Variants in OXR1 observed in about 807,000 individuals in gnomAD.
The protein encoded by OXR1 is oxidation resistance 1, also known as oxidation resistance protein 1.
OXR1 carries 41 observed loss-of-function variants against 104.6 expected under a neutral mutation model. The ratio of observed to expected loss-of-function variants is 0.39; its 90% CI spans 0.31 to 0.51. OXR1 has a LOEUF of 0.51. OXR1 is among the 20% of genes least tolerant of loss of function. OXR1 has a pLI of 0.77. For synonymous variants in OXR1, 348 were observed against 348.4 expected, an observed-to-expected ratio of 1.00 and a Z score of 0.01; for missense variants, 955 against 1,031.9, an observed-to-expected ratio of 0.93 and a Z score of 1.02.
intron 2 of OXR1, among the ~76,000 whole-genome samples, chr8:106,505,784 G>T (rs950175947): frequency 1.3e-5 from 2 of 152,184 alleles, no homozygotes; most frequent in Non-Finnish European, 1.5e-5. Context: ...AAGAAAAGTG[G>T]CCCAAGACTA....
At chr8:106,501,842 G>C (rs1811830895) in intron 2 of OXR1, among the ~76,000 whole-genome samples, 14 of 152,080 alleles carry the variant, frequency 9.2e-5, no homozygotes, top group Admixed American at 9.2e-4. Context: ...TGTATTCTTA[G>C]AATATTATTC....
chr8:106,410,726 G>A (rs1818425311), intron 2 of OXR1, among the ~76,000 whole-genome samples: 1 of 150,904 alleles, frequency 6.6e-6, no homozygotes, highest in South Asian at 2.2e-4. Context: ...TGACTTACTG[G>A]TATAAGAAAA....
chr8:106,459,987 T>G (rs1335078561), intron 2 of OXR1, among the ~76,000 whole-genome samples: 1 of 152,218 alleles, frequency 6.6e-6, no homozygotes, highest in Non-Finnish European at 1.5e-5. Context: ...TGTCAACTCC[T>G]CACAGTCACT....
intron 3 of OXR1, among the ~76,000 whole-genome samples, chr8:106,579,000 T>TTTTTTTTC (rs1443995784): frequency 6.6e-6 from 1 of 151,114 alleles, no homozygotes; most frequent in Non-Finnish European, 1.5e-5. Context: ...TTTTTTTTTT[T>TTTTTTTTC]TTGCCTAGTA....
At chr8:106,647,525 G>C (rs1199147404) in intron 3 of OXR1, among the ~76,000 whole-genome samples, 1 of 152,176 alleles carries the variant, frequency 6.6e-6, no homozygotes, top group Non-Finnish European at 1.5e-5. Flanking sequence ...TCAATTTTAA[G>C]GGTATCAAAT....
chr8:106,487,470 T>C lies in OXR1; in HGVS notation c.24-31473T>C, dbSNP rs1159762332. On this transcript the variant is annotated intron_variant, in intron 2 of 16. Transcript: ENST00000517566. ...TAAATTTTAGGGTACATGTGCACATTGTGCAGGTTAGTTACATATGTATAC... is the reference window on the plus strand; with the variant it reads ...TAAATTTTAGGGTACATGTGCACATCGTGCAGGTTAGTTACATATGTATAC... Among the ~76,000 whole-genome samples the C allele has an allele frequency of 2.0e-5, 3 of 151,944 alleles. No homozygotes were observed. The South Asian group carries it at 6.3e-4, about 32-fold the overall frequency.
chr8:106,276,803 T>G (rs1036060050), intron 1 of OXR1, among the ~76,000 whole-genome samples: 15 of 149,844 alleles, frequency 1.0e-4, no homozygotes, highest in African/African-American at 3.4e-4. Flanking sequence ...TTATGTTCAA[T>G]TCAGGTATTC....
chr8:106,399,217 T>C (rs1817906243), intron 2 of OXR1, among the ~76,000 whole-genome samples: 1 of 152,152 alleles, frequency 6.6e-6, no homozygotes. Flanking sequence ...CCCAGTGCAC[T>C]TCATTGTGTT....
chr8:106,662,260 AAT>A (rs1825838397), intron 3 of OXR1, among the ~76,000 whole-genome samples: 1 of 152,224 alleles, frequency 6.6e-6, no homozygotes, highest in African/African-American at 2.4e-5. Flanking sequence ...TGTGTATATC[AAT>A]AGAGTTGATG....
At chr8:106,520,933 T>C (rs1377422198) in intron 3 of OXR1, among the ~76,000 whole-genome samples, 1 of 152,144 alleles carries the variant, frequency 6.6e-6, no homozygotes, top group African/African-American at 2.4e-5. Context: ...AAAATAGAAG[T>C]CTCAAAAGGG....
At chr8:106,279,416 TTA>T (rs965015659) in intron 1 of OXR1, among the ~76,000 whole-genome samples, 1 of 152,186 alleles carries the variant, frequency 6.6e-6, no homozygotes, top group African/African-American at 2.4e-5. Flanking sequence ...CATGCACACA[TTA>T]TGTTTGTTCC....
At chr8:106,473,817 G>A (rs2510817) in intron 2 of OXR1, among the ~76,000 whole-genome samples, 28,377 of 149,266 alleles carry the variant, frequency 0.19, 2,850 homozygotes, top group East Asian at 0.26. Context: ...AATCAGATAC[G>A]GAGCCTCATT....
chr8:106,722,058 T>G (rs1832868868), intron 11 of OXR1, among the ~76,000 whole-genome samples: 1 of 152,222 alleles, frequency 6.6e-6, no homozygotes, highest in Admixed American at 6.5e-5. Context: ...TTCCCTTGTT[T>G]GGTTAATATC....
At chr8:106,290,089 G>A (rs1438093089) in intron 1 of OXR1, among the ~76,000 whole-genome samples, 2 of 152,100 alleles carry the variant, frequency 1.3e-5, no homozygotes, top group East Asian at 3.9e-4. Context: ...TCATAGCAGT[G>A]TGAGAATGGA....
chr8:106,701,584 T>C (rs1830586333), intron 7 of OXR1, among the ~76,000 whole-genome samples: 2 of 152,196 alleles, frequency 1.3e-5, no homozygotes, highest in Non-Finnish European at 1.5e-5. Flanking sequence ...TTTTTACAGT[T>C]ACAGGATATA....
intron 2 of OXR1, among the ~76,000 whole-genome samples, chr8:106,385,762 G>T (rs1817346774): frequency 6.6e-6 from 1 of 152,112 alleles, no homozygotes; most frequent in African/African-American, 2.4e-5. Context: ...TGTTATGCAT[G>T]AAAGAAGCAA....
Position 106,752,659 on chromosome 8 carries a change from G to C in OXR1, c.*1718G>C, listed in dbSNP as rs1835966076. ...TTTCTACTAAAATAAGGTCATAGTG[G>C]CATATACCAAATAAAATCAAATACA... On this transcript the variant is annotated 3_prime_UTR_variant, in exon 17 of 17. Coordinates refer to ENST00000517566, the MANE Select transcript of OXR1 (RefSeq NM_001198533.2). The C allele has an allele frequency of 6.6e-6, 1 of 152,226 alleles. No individual in the cohort carries two copies. Among genetic ancestry groups the C allele is most frequent in the South Asian group, 2.1e-4 (1 of 4,822 alleles). The allele number at this position is 152,226 out of a possible 1,614,324, so 9.4% of individuals were successfully genotyped here.
At chr8:106,501,510 G>T (rs958142466) in intron 2 of OXR1, among the ~76,000 whole-genome samples, 1 of 152,172 alleles carries the variant, frequency 6.6e-6, no homozygotes, top group African/African-American at 2.4e-5. Flanking sequence ...TTTGCTCTTC[G>T]TTTGCAGAAT....
intron 3 of OXR1, among the ~76,000 whole-genome samples, chr8:106,601,161 A>G (rs1211774782): frequency 1.3e-5 from 2 of 152,200 alleles, no homozygotes; most frequent in Non-Finnish European, 2.9e-5. Flanking sequence ...ACACTAACAT[A>G]TATTCAGTGT....
Sources: allele counts gnomAD v4.1 joint callset (sites outside exome capture counted in the v4.1 genomes callset), GRCh38; gene constraint gnomAD v4.1.1; transcripts MANE v1.5; gene names NCBI Gene and HGNC (gene_info 2026-07-23, HGNC 2026-07-21).